Variants in GLYATL3 observed in about 807,000 individuals in gnomAD.
GLYATL3 encodes the protein glycine-N-acyltransferase like 3.
GLYATL3 carries 31 observed loss-of-function variants against 28.5 expected under a neutral mutation model. The observed-to-expected ratio is 1.09, with a 90% CI of 0.82 to 1.47. GLYATL3 has a LOEUF of 1.47. Ranked by LOEUF, GLYATL3 falls within the 40% of genes most tolerant of loss-of-function variation. The pLI, the probability that GLYATL3 is intolerant of heterozygous loss-of-function variation, is 0.00. For synonymous variants in GLYATL3, 141 were observed against 140.2 expected (o/e 1.01, Z -0.04); for missense variants, 369 against 351.5 (o/e 1.05, Z -0.40).
chr6:49,505,711 T>C (rs9349493), intron 1 of GLYATL3, among the ~76,000 whole-genome samples: 37,183 of 152,076 alleles, frequency 0.24, 5,259 homozygotes, highest in Middle Eastern at 0.37. Flanking sequence ...AATGTTTGGA[T>C]CAAAGCCAGA....
rs1769432124 is a variant in GLYATL3, at chr6:49,526,916, C to T, written c.*2C>T. 1 of 1,500,498 alleles carries T rather than the reference C, an allele frequency of 6.7e-7. No individual in the cohort carries two copies. Among genetic ancestry groups the T allele is most frequent in the Non-Finnish European group, 8.9e-7 (1 of 1,122,400 alleles). 92.9% of individuals were successfully genotyped at this position (1,500,498 alleles called of 1,614,324 possible). ...TTCTCTGGCCTGCCTCACCTCTAGCCCAGTAAAAAACTGCAGTGGTTTTAT... is the reference window on the plus strand; with the variant it reads ...TTCTCTGGCCTGCCTCACCTCTAGCTCAGTAAAAAACTGCAGTGGTTTTAT... On this transcript the variant is annotated 3_prime_UTR_variant, in exon 6 of 6. Coordinates refer to ENST00000371197, the MANE Select transcript of GLYATL3 (RefSeq NM_001010904.2).
chr6:49,510,559 G>C (rs1053852262), intron 1 of GLYATL3, among the ~76,000 whole-genome samples: 1 of 152,020 alleles, frequency 6.6e-6, no homozygotes, highest in African/African-American at 2.4e-5. Flanking sequence ...TATTGAATTC[G>C]AATAAATAAA....
intron 3 of GLYATL3, among the ~76,000 whole-genome samples, chr6:49,516,929 G>A (rs180996064): frequency 2.6e-5 from 4 of 151,692 alleles, no homozygotes; most frequent in East Asian, 2.0e-4. Context: ...AGGCCTAGGC[G>A]GGCGGATCAT....
chr6:49,525,766 C>T (rs1405945364), intron 5 of GLYATL3, among the ~76,000 whole-genome samples: 1 of 152,042 alleles, frequency 6.6e-6, no homozygotes, highest in African/African-American at 2.4e-5. Flanking sequence ...GGTCTGCTCA[C>T]TTACCTGCCT....
At chr6:49,519,313 C>A (rs759077703) in intron 4 of GLYATL3, among the ~76,000 whole-genome samples, 103 of 152,276 alleles carry the variant, frequency 6.8e-4, no homozygotes, top group Admixed American at 1.2e-3. Context: ...CCCAATCATT[C>A]TTTCTGAAGG....
At chr6:49,518,375 C>T (rs1005603608) in intron 4 of GLYATL3, among the ~76,000 whole-genome samples, 2 of 152,158 alleles carry the variant, frequency 1.3e-5, no homozygotes, top group African/African-American at 2.4e-5. Flanking sequence ...ATAGTTTCCG[C>T]GTCAGTGTAC....
chr6:49,514,166 C>T (rs1414223473), intron 2 of GLYATL3, among the ~76,000 whole-genome samples: 1 of 152,204 alleles, frequency 6.6e-6, no homozygotes, highest in Non-Finnish European at 1.5e-5. Context: ...TTCCCACCTG[C>T]AATGCCCCTT....
At chr6:49,507,594 T>C (rs1345944174) in intron 1 of GLYATL3, among the ~76,000 whole-genome samples, 1 of 152,034 alleles carries the variant, frequency 6.6e-6, no homozygotes, top group East Asian at 1.9e-4. Context: ...CCAGGGACCT[T>C]ACTGTCAAGA....
intron 1 of GLYATL3, among the ~76,000 whole-genome samples, chr6:49,509,948 CTCTTTCTT>C (rs71540239): frequency 0.051 from 5,062 of 100,004 alleles, 287 homozygotes; most frequent in Admixed American, 0.2. Context: ...TATTTTCTTT[CTCTTTCTT>C]TCTTTCTTTC....
intron 5 of GLYATL3, 82 bp from the exon 6 acceptor site, chr6:49,526,404 CTG>C (rs1299985592): frequency 8.5e-7 from 1 of 1,175,316 alleles, no homozygotes; most frequent in Non-Finnish European, 1.2e-6. Context: ...CAGAGCAAGA[CTG>C]TGTCTCGAAA....
intron 1 of GLYATL3, among the ~76,000 whole-genome samples, chr6:49,502,374 T>C (rs1768930751): frequency 6.6e-6 from 1 of 152,212 alleles, no homozygotes; most frequent in Admixed American, 6.5e-5. Flanking sequence ...TTAAGTGTGC[T>C]TGACAGGCCT....
chr6:49,510,323 T>C lies in GLYATL3; in HGVS notation c.-28-1640T>C, dbSNP rs1290337844. Among the ~76,000 whole-genome samples the C allele has an allele frequency of 2.0e-5, 3 of 152,150 alleles. No homozygotes were observed. In the East Asian group the frequency reaches 5.8e-4, roughly 29 times the overall value. On this transcript the variant is annotated intron_variant, in intron 1 of 5. Transcript: ENST00000371197. ...TTCCAAAGTGCTGGGATTACAGGCA[T>C]GAGACACCACGCCCAGCCTAAGTAT...
intron 1 of GLYATL3, among the ~76,000 whole-genome samples, chr6:49,508,908 T>G (rs1769065637): frequency 6.6e-6 from 1 of 151,606 alleles, no homozygotes; most frequent in Non-Finnish European, 1.5e-5. Context: ...ACCTGGGAGG[T>G]GGAGGTTGCA....
intron 3 of GLYATL3, 48 bp downstream of exon 3, chr6:49,515,808 GA>G (rs1769205017): frequency 9.7e-7 from 1 of 1,031,658 alleles, no homozygotes; most frequent in Non-Finnish European, 1.5e-6. Context: ...GAATTGGAAA[GA>G]AAAAGTAGGT....
At chr6:49,521,025 T>C (rs1319741542) in intron 4 of GLYATL3, among the ~76,000 whole-genome samples, 1 of 152,074 alleles carries the variant, frequency 6.6e-6, no homozygotes, top group Non-Finnish European at 1.5e-5. Context: ...CTAAATAAAA[T>C]AAAGAAAAGA....
chr6:49,514,516 G>A (rs1769178000), intron 2 of GLYATL3, among the ~76,000 whole-genome samples: 1 of 152,146 alleles, frequency 6.6e-6, no homozygotes, highest in South Asian at 2.1e-4. Context: ...TATTTTGTAG[G>A]ACAGTCATCT....
intron 4 of GLYATL3, 25 bp from the exon 5 acceptor site, chr6:49,521,620 T>C (rs774885028): frequency 1.7e-5 from 26 of 1,519,142 alleles, no homozygotes; most frequent in Non-Finnish European, 2.1e-5. Context: ...TGCCCACATA[T>C]TAAATTATGT....
rs1280344052 is a variant in GLYATL3 at position 49,526,505 on chromosome 6, G to A, written c.458G>A (p.Arg153Gln). The A allele has an allele frequency of 1.3e-6, 2 of 1,551,364 alleles. No individual in the cohort carries two copies. The highest frequency in any genetic ancestry group is 1.2e-5 in the South Asian group (1 of 84,036). Residue 153 changes from arginine to glutamine, a missense_variant, in exon 6 of 6, where the codon CGA becomes CAA. Arg to Gln is a conservative substitution (Grantham distance 43). Coordinates refer to ENST00000371197, the MANE Select transcript of GLYATL3 (RefSeq NM_001010904.2). ...DTSFLKGPSP[R>Q]LTYLSVANAD... ...TGGTCTAGCAAGGGGCCTTCCCCACGACTAACCTACCTGAGTGTTGCCAAT... is the reference window on the plus strand; with the variant it reads ...TGGTCTAGCAAGGGGCCTTCCCCACAACTAACCTACCTGAGTGTTGCCAAT...
chr6:49,511,940 C>A, intron 1 of GLYATL3, 23 bp from the exon 2 acceptor site: 2 of 869,866 alleles, frequency 2.3e-6, no homozygotes, highest in Non-Finnish European at 3.6e-6. Context: ...AAATTAAATG[C>A]CTACCTTCAA....
Sources: gnomAD v4.1 joint callset for allele counts (sites outside exome capture counted in the v4.1 genomes callset) on GRCh38, gnomAD v4.1.1 for gene constraint, MANE v1.5 for transcripts, NCBI Gene and HGNC (gene_info 2026-07-23, HGNC 2026-07-21) for gene names.